Variants in LGI4 observed in about 807,000 individuals in gnomAD.
LGI4 encodes the protein leucine-rich repeat LGI family member 4.
Under a neutral mutation model 48.3 loss-of-function variants are expected in LGI4, and 36 were observed. The ratio of observed to expected loss-of-function variants is 0.75; its 90% confidence interval spans 0.57 to 0.98. LGI4 has a LOEUF of 0.98. LGI4 is among the 50% of genes least tolerant of loss of function. The pLI is 0.00. For synonymous variants in LGI4, 355 were observed against 331.6 expected (o/e 1.07, Z -0.77); for missense variants, 701 against 732.1 (o/e 0.96, Z 0.49).
At position 35,134,022 on chromosome 19, in the gene LGI4, G is replaced by A. The variant is rs2065192703; in HGVS notation, c.242+11C>T. On this transcript the variant is annotated intron_variant, in intron 2 of 8. Coordinates refer to ENST00000310123, the MANE Select transcript of LGI4 (RefSeq NM_139284.3). ...TTGAGCTGGTTGTCGGCCCAGCCAG[G>A]CCCCACTCACAGCAGGTGCAGAGAC... The A allele has an allele frequency of 1.3e-6, 2 of 1,556,484 alleles. No homozygotes were observed. The highest frequency in any genetic ancestry group is 8.7e-7 in the Non-Finnish European group (1 of 1,149,448).
chr19:35,134,592 C>A lies in LGI4; in HGVS notation c.89G>T (p.Arg30Leu). Residue 30 changes from arginine to leucine, a missense_variant, in exon 1 of 9, where the codon CGC becomes CTC. Transcript: ENST00000310123. ...GGCGCTGTCTTTAGAGCAGGAGCAG[C>A]GCAGGGGACACTTTCCCTTTGGGGG... The part of the protein sequence containing the change: ...WRPPKGKCPL[R>L]CSCSKDSALC... The A allele has an allele frequency of 6.3e-7, 1 of 1,585,962 alleles. No individual in the cohort carries two copies. The highest frequency in any genetic ancestry group is 8.6e-7 in the Non-Finnish European group (1 of 1,166,508).
chr19:35,126,625 A>AGCAGCCGCC lies in LGI4; in HGVS notation c.935_943dup (p.Arg312_Leu314dup). ...CAGGAGCTCGGCGTCATTGGGCCGC[A>AGCAGCCGCC]GCAGCCGCCGCGGGGCCAGGGTCTG... On this transcript the variant is annotated inframe_insertion, in exon 8 of 9. Coordinates refer to ENST00000310123, the MANE Select transcript of LGI4 (RefSeq NM_139284.3). The AGCAGCCGCC allele has an allele frequency of 6.5e-7, 1 of 1,540,884 alleles. No individual in the cohort carries two copies. Among genetic ancestry groups the AGCAGCCGCC allele is most frequent in the Non-Finnish European group, 8.7e-7 (1 of 1,149,308 alleles).
Position 35,131,524 on chromosome 19 carries a change from A to C in LGI4, c.490T>G (p.Cys164Gly). 2 of 1,551,246 alleles carry C rather than the reference A, an allele frequency of 1.3e-6. No individual in the cohort carries two copies. Among genetic ancestry groups the C allele is most frequent in the Non-Finnish European group, 1.7e-6 (2 of 1,146,908 alleles). ...CACTGCAGGAGCCAGAGGACGCGGC[A>C]GTCACACTGGAACGGGTTCCCGCGG... ...DLRGNPFQCDCRVLWLLQWMP... is the reference protein window; with the variant it reads ...DLRGNPFQCDGRVLWLLQWMP... The change falls in exon 6 of 9, where the codon TGC (cysteine) becomes GGC (glycine). Residue 164 changes from cysteine (C) to glycine (G), a missense_variant. Physicochemically the swap from Cys to Gly is radical, Grantham distance 159 (BLOSUM62 -3). This residue lies in a region of LGI4 where 462 missense variants were observed against 436.4 expected (regional missense o/e 1.06). Transcript: ENST00000310123.
In LGI4 at chr19:35,134,619, C is replaced by T. The variant is rs756995721; in HGVS notation, c.62G>A (p.Arg21Lys). Reference protein sequence around the residue: ...LAGAGVVVAWRPPKGKCPLRC... With the variant: ...LAGAGVVVAWKPPKGKCPLRC... Reference sequence around the variant, plus strand: ...CAGGGGACACTTTCCCTTTGGGGGTCTCCAGGCCACCACCACCCCCGCCCC... The same window carrying T: ...CAGGGGACACTTTCCCTTTGGGGGTTTCCAGGCCACCACCACCCCCGCCCC... The change falls in exon 1 of 9, where the codon AGA (arginine) becomes AAA (lysine). Residue 21 changes from arginine (R) to lysine (K), a missense_variant. Transcript: ENST00000310123. 2 of 1,584,388 alleles carry T rather than the reference C, an allele frequency of 1.3e-6. No individual in the cohort carries two copies. Among genetic ancestry groups the T allele is most frequent in the African/African-American group, 1.3e-5 (1 of 74,568 alleles).
At chr19:35,128,235 G>A (rs1191046663) in intron 6 of LGI4, among the ~76,000 whole-genome samples, 2 of 152,198 alleles carry the variant, frequency 1.3e-5, no homozygotes, top group Non-Finnish European at 2.9e-5. Context: ...TTGTCACTGG[G>A]GCACCAAGGC....
rs2065120925 is a variant in LGI4 at position 35,125,039 on chromosome 19, C to G, written c.*154G>C. The G allele has an allele frequency of 1.7e-6, 1 of 579,476 alleles. No homozygotes were observed. The highest frequency in any genetic ancestry group is 1.9e-5 in the African/African-American group (1 of 53,808). The allele number at this position is 579,476 out of a possible 1,614,324, so 35.9% of individuals were successfully genotyped here. A position where few individuals can be genotyped will look rare whatever the true frequency, so the allele number is the denominator to read the frequency against. On this transcript the variant is annotated 3_prime_UTR_variant, in exon 9 of 9. Coordinates refer to ENST00000310123, the MANE Select transcript of LGI4 (RefSeq NM_139284.3). ...TCTATGTCCCCCCATGGGTGCAGATCCTTTAAGAAGTGGGCTTAAGGCCTA... is the reference window on the plus strand; with the variant it reads ...TCTATGTCCCCCCATGGGTGCAGATGCTTTAAGAAGTGGGCTTAAGGCCTA...
chr19:35,127,449 G>C (rs1295046732), intron 6 of LGI4, among the ~76,000 whole-genome samples: 1 of 152,058 alleles, frequency 6.6e-6, no homozygotes, highest in Admixed American at 6.6e-5. Context: ...CCAAAGTGCT[G>C]GGATTACAGA....
rs1626676 is a variant in LGI4, at chr19:35,133,317, C to A, written c.314+376G>T. The A allele has an allele frequency of 6.1e-4, 672 of 1,104,166 alleles. 2 individuals carry two copies. The African/African-American group carries it at 9.7e-3, about 16-fold the overall frequency. The allele number at this position is 1,104,166 out of a possible 1,614,324, so 68.4% of individuals were successfully genotyped here. A position where few individuals can be genotyped will look rare whatever the true frequency, so the allele number is the denominator to read the frequency against. On this transcript the variant is annotated intron_variant, in intron 3 of 8. Transcript: ENST00000310123. The stretch of plus-strand genomic sequence containing the variant: ...CACCACCACAGTATCACCACCACTA[C>A]CTAATTCAGAGTTGTTTCCTGGTCA...
chr19:35,127,167 G>A, intron 6 of LGI4, 150 bp from the exon 7 acceptor site: 1 of 879,930 alleles, frequency 1.1e-6, no homozygotes. Flanking sequence ...GTAGATGTTT[G>A]TTTGGTTTGG....
chr19:35,125,530 G>T, intron 8 of LGI4, 23 bp from the exon 9 acceptor site: 1 of 1,509,154 alleles, frequency 6.6e-7, no homozygotes, highest in Non-Finnish European at 8.9e-7. Flanking sequence ...GGCCAGTGAG[G>T]GCCTGGGGTC....
chr19:35,133,049 A>G (rs1372971708), intron 3 of LGI4, among the ~76,000 whole-genome samples: 1 of 152,178 alleles, frequency 6.6e-6, no homozygotes. Context: ...ACGAGCCCCA[A>G]GAACTTCATC....
intron 3 of LGI4, among the ~76,000 whole-genome samples, chr19:35,132,495 T>C (rs1600476222): frequency 6.6e-6 from 1 of 151,792 alleles, no homozygotes; most frequent in Non-Finnish European, 1.5e-5. Context: ...TCCAGCATCA[T>C]CTGTAATGAC....
chr19:35,128,218 G>C (rs1411476768), intron 6 of LGI4, among the ~76,000 whole-genome samples: 1 of 152,198 alleles, frequency 6.6e-6, no homozygotes, highest in Non-Finnish European at 1.5e-5. Context: ...CAGCGGCTTG[G>C]CTTTCATTGT....
chr19:35,126,316 C>T lies in LGI4; in HGVS notation c.1253G>A (p.Gly418Asp), dbSNP rs997045103. 1.2e-6 allele frequency: 2 copies of T among 1,611,872 alleles called. No individual in the cohort carries two copies. The highest frequency in any genetic ancestry group is 1.3e-5 in the African/African-American group (1 of 74,926). Residue 418 changes from glycine to aspartate, a missense_variant, in exon 8 of 9, where the codon GGT becomes GAT. Gly to Asp is a moderately conservative substitution (Grantham distance 94). This residue lies in a region of LGI4 where 223 missense variants were observed against 263.3 expected (regional missense o/e 0.85). Coordinates refer to ENST00000310123, the MANE Select transcript of LGI4 (RefSeq NM_139284.3). ...TGTGAGGCACAGGAACACGTCCCCA[C>T]CAGCCTGGAAGTGGCGTGTGGCATA... ...DVYATRHFQAGGDVFLCLTRY... is the reference protein window; with the variant it reads ...DVYATRHFQADGDVFLCLTRY...
chr19:35,131,708 C>T (rs2065176410), intron 5 of LGI4, 81 bp downstream of exon 5: 1 of 1,411,114 alleles, frequency 7.1e-7, no homozygotes, highest in African/African-American at 1.4e-5. Context: ...GCATGCACGC[C>T]AACCAGAAGT....
At chr19:35,133,799 T>A in intron 2 of LGI4, 35 bp from the exon 3 acceptor site, 1 of 1,571,056 alleles carries the variant, frequency 6.4e-7, no homozygotes, top group Non-Finnish European at 8.6e-7. Context: ...TTTTCCAGAA[T>A]TGCAGCCCCC....
chr19:35,127,786 A>C lies in LGI4; in HGVS notation c.629-769T>G, dbSNP rs117825600. 6.8e-4 allele frequency among the ~76,000 whole-genome samples: 103 copies of C among 152,334 alleles called. No individual in the cohort carries two copies. The East Asian group carries it at 0.018, about 27-fold the overall frequency. On this transcript the variant is annotated intron_variant, in intron 6 of 8. Transcript: ENST00000310123. ...ACTTCACAACATCCCTGTGAGGTAC[A>C]TTCTGTGATGATTTCCCCTTCGCAG...
chr19:35,125,639 C>T, intron 8 of LGI4, 132 bp from the exon 9 acceptor site: 1 of 813,292 alleles, frequency 1.2e-6, no homozygotes, highest in Non-Finnish European at 2.0e-6. Context: ...CACCACCCAC[C>T]TGTTCGGCCA....
intron 8 of LGI4, 182 bp from the exon 9 acceptor site, chr19:35,125,689 G>A: frequency 2.8e-6 from 2 of 705,024 alleles, no homozygotes; most frequent in Admixed American, 2.0e-5. Context: ...TTGCCCTCAC[G>A]CCCCACACAG....
Sources: gnomAD v4.1 joint callset for allele counts (sites outside exome capture counted in the v4.1 genomes callset) on GRCh38, gnomAD v4.1.1 for gene constraint, gnomAD v4.1.1 regional missense constraint, MANE v1.5 for transcripts, NCBI Gene and HGNC (gene_info 2026-07-23, HGNC 2026-07-21) for gene names.